Variants in OPCML observed in about 807,000 individuals in gnomAD.
OPCML encodes the protein opioid-binding protein/cell adhesion molecule.
Under a neutral mutation model 37.8 loss-of-function variants are expected in OPCML, and 13 were observed. The ratio of observed to expected loss-of-function variants is 0.34; its 90% CI spans 0.22 to 0.55. The LOEUF (loss-of-function observed/expected upper bound fraction) is 0.55. OPCML is among the 20% of genes least tolerant of loss of function. The probability of loss-of-function intolerance (pLI) is 0.91; values close to 1 mark genes in which losing one functional copy is unlikely to be tolerated. For missense variants in OPCML, 341 were observed against 435.6 expected (o/e 0.78, Z 1.93); for synonymous variants, 176 against 168.8 (o/e 1.04, Z -0.33).
At chr11:133,152,602 T>C (rs1294597491) in intron 1 of OPCML, among the ~76,000 whole-genome samples, 1 of 152,118 alleles carries the variant, frequency 6.6e-6, no homozygotes, top group Non-Finnish European at 1.5e-5. Flanking sequence ...TGGTCTGTTT[T>C]GACTCTTTTC....
At chr11:133,005,173 T>A (rs768939628) in intron 1 of OPCML, 22 of 985,012 alleles carry the variant, frequency 2.2e-5, no homozygotes, top group African/African-American at 3.5e-5. Context: ...CCACCCAATC[T>A]CTCTAGCCCG....
At chr11:132,467,450 A>T (rs556140531) in intron 4 of OPCML, among the ~76,000 whole-genome samples, 1 of 152,354 alleles carries the variant, frequency 6.6e-6, no homozygotes, top group Admixed American at 6.5e-5. Context: ...AAGACTGCTC[A>T]CAGCACAAAT....
intron 2 of OPCML, among the ~76,000 whole-genome samples, chr11:132,904,405 T>A (rs192610356): frequency 6.6e-6 from 1 of 151,196 alleles, no homozygotes; most frequent in African/African-American, 2.5e-5. Context: ...TCCATCTCAA[T>A]TGATTTAGAT....
At chr11:133,368,771 C>T (rs1944609146) in intron 1 of OPCML, among the ~76,000 whole-genome samples, 2 of 152,082 alleles carry the variant, frequency 1.3e-5, no homozygotes, top group Admixed American at 6.5e-5. Flanking sequence ...AATAAGAAGG[C>T]ATTAGTGAGG....
At chr11:132,716,912 T>C (rs990358656) in intron 2 of OPCML, among the ~76,000 whole-genome samples, 4 of 151,972 alleles carry the variant, frequency 2.6e-5, no homozygotes, top group Non-Finnish European at 5.9e-5. Context: ...ACTATCCCAA[T>C]AGAAAAATGG....
intron 2 of OPCML, among the ~76,000 whole-genome samples, chr11:132,793,729 C>T (rs1009285155): frequency 4.6e-5 from 7 of 152,152 alleles, no homozygotes; most frequent in African/African-American, 1.7e-4. Flanking sequence ...ACTGTCATCT[C>T]CTAATATGTC....
Position 132,952,955 on chromosome 11 carries a change from C to CA in OPCML, c.62-9946dup, listed in dbSNP as rs572730606. Among the ~76,000 whole-genome samples, 121 of 152,058 alleles carry CA rather than the reference C, an allele frequency of 8.0e-4. 1 individual carries two copies. Among genetic ancestry groups the CA allele is most frequent in the Admixed American group, 7.5e-3 (114 of 15,276 alleles). On this transcript the variant is annotated intron_variant, in intron 1 of 7. Coordinates refer to ENST00000524381, the MANE Select transcript of OPCML (RefSeq NM_001012393.5). ...AAGACAAACAAAAGTAACATGACAA[C>CA]AAAAAAACTTTAAAATAAACAAGCC...
intron 1 of OPCML, among the ~76,000 whole-genome samples, chr11:133,423,736 G>T (rs116034034): frequency 6.9e-4 from 105 of 152,260 alleles, no homozygotes; most frequent in African/African-American, 2.5e-3. Context: ...GTTAGAGGTA[G>T]GGCCTGCTGG....
intron 1 of OPCML, among the ~76,000 whole-genome samples, chr11:133,243,445 CA>C (rs1293553781): frequency 1.6e-4 from 24 of 152,276 alleles, no homozygotes; most frequent in African/African-American, 5.3e-4. Flanking sequence ...AGGTGAGAAC[CA>C]TTTATTCTTC....
chr11:133,234,248 AAAC>A (rs1046285891), intron 1 of OPCML, among the ~76,000 whole-genome samples: 3 of 152,102 alleles, frequency 2.0e-5, no homozygotes, highest in Admixed American at 6.5e-5. Flanking sequence ...AAGCAAAACC[AAAC>A]AACAACAACA....
In OPCML at chr11:132,470,706, A is replaced by G. The variant is rs530037446; in HGVS notation, c.506-33347T>C. ...GCATCCTAACTACAGAAATGAGGAA[A>G]CTGAGATTAAGTAAATGGCCCAAGG... On this transcript the variant is annotated intron_variant, in intron 4 of 7. Coordinates refer to ENST00000524381, the MANE Select transcript of OPCML (RefSeq NM_001012393.5). 7.2e-5 allele frequency among the ~76,000 whole-genome samples: 11 copies of G among 152,310 alleles called. 1 individual carries two copies. The highest frequency in any genetic ancestry group is 2.6e-4 in the African/African-American group (11 of 41,580).
intron 2 of OPCML, among the ~76,000 whole-genome samples, chr11:132,689,581 G>A (rs1362942593): frequency 6.6e-6 from 1 of 152,172 alleles, no homozygotes; most frequent in Non-Finnish European, 1.5e-5. Context: ...GACTGAGATG[G>A]CTCAATGTCA....
intron 1 of OPCML, among the ~76,000 whole-genome samples, chr11:132,958,398 C>T (rs1390535970): frequency 6.6e-6 from 1 of 152,144 alleles, no homozygotes; most frequent in Non-Finnish European, 1.5e-5. Context: ...CATAGAAGTA[C>T]AAGATGAAGC....
At chr11:132,981,028 C>A (rs1202692049) in intron 1 of OPCML, among the ~76,000 whole-genome samples, 1 of 152,302 alleles carries the variant, frequency 6.6e-6, no homozygotes, top group African/African-American at 2.4e-5. Flanking sequence ...AGGTGTAATA[C>A]AATGGTAAGT....
At chr11:132,814,736 T>C (rs1212162804) in intron 2 of OPCML, among the ~76,000 whole-genome samples, 2 of 152,144 alleles carry the variant, frequency 1.3e-5, no homozygotes, top group Non-Finnish European at 2.9e-5. Flanking sequence ...CCATCACACA[T>C]AGCCTCATGG....
chr11:132,526,001 A>T (rs910960991), intron 4 of OPCML: 1 of 152,216 alleles, frequency 6.6e-6, no homozygotes, highest in African/African-American at 2.4e-5. Flanking sequence ...ACTTCAAAGT[A>T]CAGCACAGCC....
rs548979747 is a variant in OPCML at position 132,881,874 on chromosome 11, T to A, written c.146+61052A>T. 1.2e-4 allele frequency among the ~76,000 whole-genome samples: 18 copies of A among 152,344 alleles called. No homozygotes were observed. In the South Asian group the frequency reaches 3.7e-3, roughly 32 times the overall value. On this transcript the variant is annotated intron_variant, in intron 2 of 7. Transcript: ENST00000524381. ...CTACCACATTTCCCCCTTCTCCAGA[T>A]CTGGGAAATGTGGTTGATTTGCATA...
intron 3 of OPCML, among the ~76,000 whole-genome samples, chr11:132,554,883 T>TTTTTTTTTTTTTTTTTTTTTTTTTTTTTC (rs1255603307): frequency 3.3e-4 from 41 of 125,740 alleles, no homozygotes; most frequent in East Asian, 7.0e-4. Flanking sequence ...TTTTTTTTTT[T>TTTTTTTTTTTTTTTTTTTTTTTTTTTTTC]TTTTTTTTCA....
intron 2 of OPCML, among the ~76,000 whole-genome samples, chr11:132,938,769 A>T (rs1166425446): frequency 1.3e-5 from 2 of 152,180 alleles, no homozygotes; most frequent in Middle Eastern, 6.3e-3. Context: ...CCCATGGGGA[A>T]GATGCTTCCT....
Sources: allele counts gnomAD v4.1 joint callset (sites outside exome capture counted in the v4.1 genomes callset), GRCh38; gene constraint gnomAD v4.1.1; transcripts MANE v1.5; gene names NCBI Gene and HGNC (gene_info 2026-07-23, HGNC 2026-07-21).